Variants in SUGCT observed in about 807,000 individuals in gnomAD.
The protein encoded by SUGCT is succinyl-CoA:glutarate-CoA transferase.
Under a neutral mutation model 55.0 loss-of-function variants are expected in SUGCT, and 41 were observed. The observed-to-expected ratio is 0.74, with a 90% CI of 0.58 to 0.97. SUGCT has a LOEUF of 0.97. Among genes scored for constraint, SUGCT ranks in the 50% least tolerant of loss-of-function variants. SUGCT has a pLI of 0.00. For missense variants in SUGCT, 568 were observed against 547.8 expected (o/e 1.04, Z -0.37); for synonymous variants, 187 against 200.4 (o/e 0.93, Z 0.56).
chr7:40,589,622 A>C (rs2151730161), intron 12 of SUGCT, among the ~76,000 whole-genome samples: 1 of 152,330 alleles, frequency 6.6e-6, no homozygotes, highest in South Asian at 2.1e-4. Flanking sequence ...TTAAATTTCC[A>C]GCACATTAAT....
intron 9 of SUGCT, among the ~76,000 whole-genome samples, chr7:40,381,826 G>T (rs1030839889): frequency 6.6e-6 from 1 of 151,982 alleles, no homozygotes; most frequent in Non-Finnish European, 1.5e-5. Context: ...GTTAGTTTGG[G>T]ATACATGAGC....
intron 13 of SUGCT, among the ~76,000 whole-genome samples, chr7:40,844,163 C>T (rs1793435756): frequency 6.6e-6 from 1 of 152,252 alleles, no homozygotes; most frequent in Non-Finnish European, 1.5e-5. Context: ...GTGTCTGCAA[C>T]TCCCGGAGCC....
At chr7:40,483,064 G>C (rs1791142191) in intron 11 of SUGCT, among the ~76,000 whole-genome samples, 1 of 152,034 alleles carries the variant, frequency 6.6e-6, no homozygotes. Flanking sequence ...TAAGATCTGA[G>C]GAAATTACAG....
At chr7:40,472,748 A>G (rs1049462978) in intron 11 of SUGCT, among the ~76,000 whole-genome samples, 12 of 152,182 alleles carry the variant, frequency 7.9e-5, no homozygotes, top group African/African-American at 2.9e-4. Context: ...TTGAGAGCCC[A>G]TAATGGCACA....
intron 13 of SUGCT, among the ~76,000 whole-genome samples, chr7:40,850,424 G>A (rs1157605598): frequency 6.6e-6 from 1 of 152,190 alleles, no homozygotes; most frequent in Admixed American, 6.5e-5. Flanking sequence ...TGTAGTAAGT[G>A]CATGTTAAAT....
chr7:40,163,139 C>T (rs77649085), intron 1 of SUGCT, among the ~76,000 whole-genome samples: 5,929 of 152,142 alleles, frequency 0.039, 371 homozygotes, highest in African/African-American at 0.13. Flanking sequence ...CTGGCAAGAT[C>T]GAAGTCATTT....
chr7:40,347,640 A>G (rs2151191033), intron 9 of SUGCT, among the ~76,000 whole-genome samples: 1 of 152,336 alleles, frequency 6.6e-6, no homozygotes, highest in East Asian at 1.9e-4. Context: ...AGAAGAGGCC[A>G]GTGTTATAGT....
At chr7:40,927,900 A>C in the SUGCT span, among the ~76,000 whole-genome samples, 1 of 152,170 alleles carries the variant, frequency 6.6e-6, no homozygotes, top group Non-Finnish European at 1.5e-5. Flanking sequence ...TTACTCATAC[A>C]TGAGAGTTTA....
At chr7:40,289,559 G>T (rs1385049564) in intron 8 of SUGCT, among the ~76,000 whole-genome samples, 6 of 152,048 alleles carry the variant, frequency 3.9e-5, no homozygotes, top group Non-Finnish European at 8.8e-5. Context: ...TACTGAATGG[G>T]CAAAAACTGG....
At chr7:40,947,216 A>G in the SUGCT span, among the ~76,000 whole-genome samples, 1 of 152,106 alleles carries the variant, frequency 6.6e-6, no homozygotes, top group Non-Finnish European at 1.5e-5. Context: ...TGCCAGCTCA[A>G]ATCTGCTGTT....
intron 1 of SUGCT, among the ~76,000 whole-genome samples, chr7:40,163,129 C>T (rs1280543027): frequency 1.3e-5 from 2 of 152,150 alleles, no homozygotes; most frequent in East Asian, 3.8e-4. Flanking sequence ...CTGTGTTTCA[C>T]TGGCAAGATC....
In SUGCT at chr7:40,184,258, A is replaced by G. The variant is rs186553767; in HGVS notation, c.226+2230A>G. On this transcript the variant is annotated intron_variant, in intron 3 of 13. Transcript: ENST00000335693. ...CAGTCCATGTTTTTTAATGTCTGCT[A>G]TATCATCATATAAACAGCTTGTTTT... is the stretch of plus-strand genomic sequence containing the variant. Among the ~76,000 whole-genome samples the G allele has an allele frequency of 4.6e-3, 694 of 152,184 alleles. 7 individuals carry two copies. Among genetic ancestry groups the G allele is most frequent in the African/African-American group, 0.016 (666 of 41,530 alleles).
chr7:40,300,838 T>C (rs1794488273), intron 8 of SUGCT, among the ~76,000 whole-genome samples: 1 of 152,344 alleles, frequency 6.6e-6, no homozygotes, highest in Non-Finnish European at 1.5e-5. Context: ...TCTGGTGAGA[T>C]GCATTAGTAA....
chr7:40,782,224 T>G (rs1789787911), intron 13 of SUGCT, among the ~76,000 whole-genome samples: 1 of 152,036 alleles, frequency 6.6e-6, no homozygotes, highest in South Asian at 2.1e-4. Context: ...CCATGTGCAT[T>G]GAGAATTAAT....
intron 13 of SUGCT, among the ~76,000 whole-genome samples, chr7:40,836,529 A>G (rs773262741): frequency 1.3e-5 from 2 of 152,152 alleles, no homozygotes; most frequent in Non-Finnish European, 2.9e-5. Flanking sequence ...GATCCTTGTG[A>G]ATATACCCGT....
rs142940065 is a variant in SUGCT at position 40,824,733 on chromosome 7, G to A, written c.1154-35583G>A. On this transcript the variant is annotated intron_variant, in intron 13 of 13. Coordinates refer to ENST00000335693, the MANE Select transcript of SUGCT (RefSeq NM_001193313.2). ...ATCAAGGTGCCAGTATCTTATGTGG[G>A]ACATCTTGTTCTGTCATCCCATAGT... 1.8e-3 allele frequency among the ~76,000 whole-genome samples: 279 copies of A among 152,280 alleles called. 2 individuals carry two copies. Among genetic ancestry groups the A allele is most frequent in the Middle Eastern group, 6.8e-3 (2 of 294 alleles).
chr7:40,444,977 G>A (rs7812115), intron 9 of SUGCT, among the ~76,000 whole-genome samples: 100,343 of 152,008 alleles, frequency 0.66, 33,814 homozygotes, highest in Middle Eastern at 0.75. Context: ...ATCTATGGAG[G>A]TAATCATGTG....
chr7:40,454,954 T>C (rs776487645), intron 10 of SUGCT, among the ~76,000 whole-genome samples: 1 of 152,160 alleles, frequency 6.6e-6, no homozygotes, highest in Non-Finnish European at 1.5e-5. Context: ...AATATCTGGG[T>C]GAATATAATG....
At chr7:40,352,681 G>A (rs1797695130) in intron 9 of SUGCT, among the ~76,000 whole-genome samples, 1 of 152,066 alleles carries the variant, frequency 6.6e-6, no homozygotes, top group African/African-American at 2.4e-5. Flanking sequence ...GTCTACCATT[G>A]ATGGGCATTT....
Sources: allele counts gnomAD v4.1 joint callset (sites outside exome capture counted in the v4.1 genomes callset), GRCh38; gene constraint gnomAD v4.1.1; transcripts MANE v1.5; gene names NCBI Gene and HGNC (gene_info 2026-07-23, HGNC 2026-07-21).